The following SRGAP2B variants were observed in gnomAD, a reference collection of about 807,000 sequenced individuals.
The protein encoded by SRGAP2B is SLIT-ROBO Rho GTPase activating protein 2B, also known as SLIT-ROBO Rho GTPase-activating protein 2B.
SRGAP2B carries 9 observed loss-of-function variants against 22.2 expected under a neutral mutation model. The ratio of observed to expected loss-of-function variants is 0.41; its 90% CI spans 0.24 to 0.71. The LOEUF (loss-of-function observed/expected upper bound fraction) is 0.71. Ranked by LOEUF, SRGAP2B falls within the 30% of genes least tolerant of loss-of-function variation. The probability of loss-of-function intolerance (pLI) is 0.35; values close to 1 mark genes in which losing one functional copy is unlikely to be tolerated. For missense variants in SRGAP2B, 114 were observed against 235.8 expected, an observed-to-expected ratio of 0.48 and a Z score of 3.38; for synonymous variants, 36 against 87.4, an observed-to-expected ratio of 0.41 and a Z score of 3.28.
chr1:144,975,037 G>A (rs1424767692), intron 3 of SRGAP2B, among the ~76,000 whole-genome samples: 3 of 147,294 alleles, frequency 2.0e-5, no homozygotes, highest in Non-Finnish European at 4.4e-5. Flanking sequence ...CAGAAGTAGG[G>A]GAAAATGGTT....
At chr1:144,925,992 T>C (rs1664708119) in intron 4 of SRGAP2B, among the ~76,000 whole-genome samples, 1 of 99,704 alleles carries the variant, frequency 1.0e-5, no homozygotes, top group African/African-American at 4.2e-5. Context: ...ATATTATGGT[T>C]TAAACCCACC....
chr1:145,076,920 GAAA>G (rs1290158055), intron 2 of SRGAP2B, among the ~76,000 whole-genome samples: 1 of 137,764 alleles, frequency 7.3e-6, no homozygotes. Flanking sequence ...TTAAAAAAAA[GAAA>G]AAAAAAAAGG....
chr1:145,073,923 C>T, intron 2 of SRGAP2B, among the ~76,000 whole-genome samples: 1 of 20,910 alleles, frequency 4.8e-5, no homozygotes, highest in East Asian at 7.5e-4. Flanking sequence ...CAGTATGAAG[C>T]CAGACTCTGG....
chr1:145,064,290 A>T lies in SRGAP2B; in HGVS notation c.67+28545T>A, dbSNP rs474678. On this transcript the variant is annotated intron_variant, in intron 2 of 9. Coordinates refer to ENST00000612199, the Ensembl canonical transcript of SRGAP2B. ...ACAAAACACAGGAAGCCCACTGTTT[A>T]CTAAGCTCCCCATAGTTCAAGAGGC... Among the ~76,000 whole-genome samples the T allele has an allele frequency of 6.5e-3, 914 of 139,576 alleles. 20 individuals carry two copies. Among genetic ancestry groups the T allele is most frequent in the African/African-American group, 0.025 (765 of 30,638 alleles). 91.6% of individuals were successfully genotyped at this position (139,576 alleles called of 152,430 possible). A position where few individuals can be genotyped will look rare whatever the true frequency, so the allele number is the denominator to read the frequency against.
intron 3 of SRGAP2B, among the ~76,000 whole-genome samples, chr1:144,958,890 C>G (rs1233010284): frequency 6.7e-6 from 1 of 149,780 alleles, no homozygotes. Flanking sequence ...CTGACATGAG[C>G]AAGAGACCCA....
At chr1:144,940,504 C>A (rs1665943557) in intron 4 of SRGAP2B, among the ~76,000 whole-genome samples, 1 of 148,390 alleles carries the variant, frequency 6.7e-6, no homozygotes, top group Non-Finnish European at 1.5e-5. Context: ...AGGGGAGAGT[C>A]AAGACAACAG....
chr1:145,015,304 C>G lies in SRGAP2B; in HGVS notation c.68-20104G>C, dbSNP rs1672336473. Among the ~76,000 whole-genome samples, 2 of 108,840 alleles carry G rather than the reference C, an allele frequency of 1.8e-5. 1 individual carries two copies. Among genetic ancestry groups the G allele is most frequent in the African/African-American group, 8.0e-5 (2 of 24,868 alleles). 71.4% of individuals were successfully genotyped at this position (108,840 alleles called of 152,430 possible). On this transcript the variant is annotated intron_variant, in intron 2 of 9. Transcript: ENST00000612199. Reference sequence around the variant, plus strand: ...ATGTTGGCCAGGTTGGTCTTGAACTCCTGGTCTCAAGTGATCTACCCGCCT... The same window carrying G: ...ATGTTGGCCAGGTTGGTCTTGAACTGCTGGTCTCAAGTGATCTACCCGCCT...
intron 4 of SRGAP2B, among the ~76,000 whole-genome samples, chr1:144,915,733 A>C (rs1246214594): frequency 5.3e-5 from 8 of 150,832 alleles, no homozygotes; most frequent in African/African-American, 2.0e-4. Flanking sequence ...TCTCAAAAAA[A>C]AGAAAAGAAA....
chr1:145,091,958 GCTAT>G (rs1161580671), intron 2 of SRGAP2B, among the ~76,000 whole-genome samples: 3 of 145,092 alleles, frequency 2.1e-5, no homozygotes, highest in East Asian at 2.0e-4. Flanking sequence ...TTTAAAAAAC[GCTAT>G]CTGAGTAAGG....
chr1:145,091,223 T>C (rs1224565841), intron 2 of SRGAP2B, among the ~76,000 whole-genome samples: 2 of 49,216 alleles, frequency 4.1e-5, no homozygotes, highest in African/African-American at 3.8e-4. Context: ...AAGAATAGGA[T>C]GTGTTAAAAA....
At chr1:144,958,905 C>A (rs1313634185) in intron 3 of SRGAP2B, among the ~76,000 whole-genome samples, 3 of 150,132 alleles carry the variant, frequency 2.0e-5, no homozygotes, top group Non-Finnish European at 4.4e-5. Flanking sequence ...GACCCAGGAC[C>A]CAGTTTCCCT....
chr1:144,942,608 CAG>C (rs1442583442), intron 4 of SRGAP2B, among the ~76,000 whole-genome samples: 1 of 149,396 alleles, frequency 6.7e-6, no homozygotes, highest in Non-Finnish European at 1.5e-5. Flanking sequence ...TTAGTAGAGA[CAG>C]GGTTTCAGCA....
intron 5 of SRGAP2B, among the ~76,000 whole-genome samples, chr1:144,907,138 CGTGTGTGTGT>C (rs1166076665): frequency 1.5e-4 from 19 of 128,372 alleles, no homozygotes; most frequent in South Asian, 7.5e-4. Flanking sequence ...TGTGTGTGTG[CGTGTGTGTGT>C]GTGTGTGTGT....
intron 4 of SRGAP2B, among the ~76,000 whole-genome samples, chr1:144,934,439 G>A (rs1420816577): frequency 7.6e-5 from 11 of 145,314 alleles, no homozygotes; most frequent in South Asian, 4.3e-4. Context: ...GCAACCCAGA[G>A]GTTATATAGA....
chr1:144,965,481 C>T (rs1236578704), intron 3 of SRGAP2B, among the ~76,000 whole-genome samples: 2 of 145,390 alleles, frequency 1.4e-5, no homozygotes, highest in African/African-American at 5.6e-5. Context: ...ACACCGAAAA[C>T]CCATCTGTAC....
At chr1:145,056,806 T>C (rs1650438918) in intron 2 of SRGAP2B, among the ~76,000 whole-genome samples, 1 of 51,208 alleles carries the variant, frequency 2.0e-5, no homozygotes, top group Middle Eastern at 0.01. Flanking sequence ...TCCAGGAACT[T>C]GGATACCTTT....
At chr1:145,024,942 G>A (rs645555) in intron 2 of SRGAP2B, among the ~76,000 whole-genome samples, 11 of 149,530 alleles carry the variant, frequency 7.4e-5, no homozygotes, top group Middle Eastern at 3.2e-3. Flanking sequence ...CCAATATCCC[G>A]TTGTAGAAGC....
intron 5 of SRGAP2B, among the ~76,000 whole-genome samples, chr1:144,909,923 C>T (rs1663293448): frequency 6.7e-6 from 1 of 148,490 alleles, no homozygotes; most frequent in Non-Finnish European, 1.5e-5. Context: ...GTTAGAACAC[C>T]CTACTGTGAA....
intron 2 of SRGAP2B, among the ~76,000 whole-genome samples, chr1:145,044,111 T>G (rs1252748522): frequency 6.4e-5 from 4 of 62,344 alleles, no homozygotes; most frequent in Non-Finnish European, 2.8e-5. Flanking sequence ...AATTCAGTCC[T>G]AGAGCCCAAA....
Sources: allele counts gnomAD v4.1 joint callset (sites outside exome capture counted in the v4.1 genomes callset), GRCh38; gene constraint gnomAD v4.1.1; transcripts MANE v1.5; gene names NCBI Gene and HGNC (gene_info 2026-07-23, HGNC 2026-07-21).